Variants in ARHGEF28 observed in about 807,000 individuals in gnomAD.
The protein encoded by ARHGEF28 is Rho guanine nucleotide exchange factor 28.
ARHGEF28 carries 152 observed loss-of-function variants against 206.6 expected under a neutral mutation model. The ratio of observed to expected loss-of-function variants is 0.74; its 90% CI spans 0.64 to 0.84. The LOEUF (loss-of-function observed/expected upper bound fraction) is 0.84. ARHGEF28 is among the 40% of genes least tolerant of loss of function. The pLI, the probability that ARHGEF28 is intolerant of heterozygous loss-of-function variation, is 0.00. For missense variants in ARHGEF28, 2,028 were observed against 2,073.2 expected, an observed-to-expected ratio of 0.98 and a Z score of 0.42; for synonymous variants, 763 against 776.4, an observed-to-expected ratio of 0.98 and a Z score of 0.29.
chr5:73,833,581 A>G (rs1219259664), intron 10 of ARHGEF28, among the ~76,000 whole-genome samples: 1 of 152,164 alleles, frequency 6.6e-6, no homozygotes, highest in Non-Finnish European at 1.5e-5. Flanking sequence ...GAAATCTAGA[A>G]TGGGTCATGG....
chr5:73,865,368 T>G (rs1482237621), intron 17 of ARHGEF28, among the ~76,000 whole-genome samples: 1 of 152,194 alleles, frequency 6.6e-6, no homozygotes, highest in Non-Finnish European at 1.5e-5. Flanking sequence ...TAGAAGAATG[T>G]TCTCTGTAGT....
At chr5:73,730,700 A>C (rs1442146247) in intron 2 of ARHGEF28, among the ~76,000 whole-genome samples, 1 of 152,074 alleles carries the variant, frequency 6.6e-6, no homozygotes, top group East Asian at 1.9e-4. Context: ...ATGCCTGGCT[A>C]ATTTTTGTAT....
intron 31 of ARHGEF28, 159 bp downstream of exon 31, chr5:73,901,443 C>A (rs749635108): frequency 1.8e-6 from 1 of 551,416 alleles, no homozygotes; most frequent in Non-Finnish European, 3.2e-6. Context: ...TAACTTATTT[C>A]TTCTTCAAAT....
chr5:73,854,044 T>G (rs1758864299), intron 14 of ARHGEF28, among the ~76,000 whole-genome samples: 1 of 152,144 alleles, frequency 6.6e-6, no homozygotes. Context: ...TGTTTTCTGT[T>G]CCTTTCTATT....
At chr5:73,733,162 C>A (rs1023682060) in intron 2 of ARHGEF28, among the ~76,000 whole-genome samples, 1 of 152,052 alleles carries the variant, frequency 6.6e-6, no homozygotes, top group African/African-American at 2.4e-5. Flanking sequence ...TCCCAAGTCC[C>A]CAAAGTCCAT....
intron 8 of ARHGEF28, among the ~76,000 whole-genome samples, chr5:73,794,888 T>C (rs751302533): frequency 7.9e-5 from 12 of 152,256 alleles, no homozygotes; most frequent in Non-Finnish European, 1.3e-4. Flanking sequence ...ATTACAGGCA[T>C]GAGCCACCGT....
At chr5:73,855,992 G>A (rs908622203) in intron 14 of ARHGEF28, among the ~76,000 whole-genome samples, 7 of 152,148 alleles carry the variant, frequency 4.6e-5, no homozygotes, top group Non-Finnish European at 7.3e-5. Flanking sequence ...CTTTAATTCC[G>A]ATATTAGGTC....
At position 73,909,659 on chromosome 5, in the gene ARHGEF28, G is replaced by T; in HGVS notation, c.4409G>T (p.Ser1470Ile). The change falls in exon 34 of 36, where the codon AGC becomes ATC. Residue 1470 changes from serine (S) to isoleucine (I), a missense_variant. Ser to Ile is a moderately radical substitution (Grantham distance 142, BLOSUM62 -2). Around this residue, in one of 3 missense-constraint regions of ARHGEF28, gnomAD observed 803 missense variants for 768.0 expected, o/e 1.05. Coordinates refer to ENST00000513042, the MANE Select transcript of ARHGEF28 (RefSeq NM_001177693.2). ...CAGCGGGCGCAGGCGACCAGGGAGA[G>T]CTGGCTGCAGGAGCGGGAGCGGGAG... ...QQQRAQATRE[S>I]WLQERERECQ... is the part of the protein sequence containing the mutation. 1 of 1,545,490 alleles carries T rather than the reference G, an allele frequency of 6.5e-7. No homozygotes were observed. The highest frequency in any genetic ancestry group is 8.7e-7 in the Non-Finnish European group (1 of 1,144,638).
chr5:73,865,948 C>G lies in ARHGEF28; in HGVS notation c.2104-17C>G. 6.4e-7 allele frequency: 1 copy of G among 1,555,276 alleles called. No individual in the cohort carries two copies. The highest frequency in any genetic ancestry group is 8.8e-7 in the Non-Finnish European group (1 of 1,131,426). On this transcript the variant is annotated splice_polypyrimidine_tract_variant and intron_variant, in intron 17 of 35. Coordinates refer to ENST00000513042, the MANE Select transcript of ARHGEF28 (RefSeq NM_001177693.2). ...TACTTTGATCTTACTTTATGTGTTT[C>G]TAATATTCTTTACCAGAAATTCCAA...
chr5:73,674,333 C>T (rs1746524053), intron 1 of ARHGEF28, among the ~76,000 whole-genome samples: 1 of 152,184 alleles, frequency 6.6e-6, no homozygotes, highest in Admixed American at 6.5e-5. Flanking sequence ...TGTGCTGAGG[C>T]TACAGAGAAC....
rs549041724 is a variant in ARHGEF28 at position 73,748,341 on chromosome 5, A to C, written c.34-1496A>C. On this transcript the variant is annotated intron_variant, in intron 2 of 35. Coordinates refer to ENST00000513042, the MANE Select transcript of ARHGEF28 (RefSeq NM_001177693.2). The stretch of plus-strand genomic sequence containing the variant: ...AAAGGGCAATTCAAAACTGCCAACC[A>C]GTGATTTTTTTTCAGAACTCTATAC... Among the ~76,000 whole-genome samples the C allele has an allele frequency of 1.4e-4, 20 of 142,160 alleles. No individual in the cohort carries two copies. In the East Asian group the frequency reaches 3.9e-3, roughly 28 times the overall value. 93.3% of individuals were successfully genotyped at this position (142,160 alleles called of 152,430 possible).
intron 5 of ARHGEF28, 49 bp downstream of exon 5, chr5:73,774,087 C>T (rs749180052): frequency 3.4e-6 from 5 of 1,476,694 alleles, no homozygotes; most frequent in South Asian, 2.8e-5. Context: ...TAAAGTCGGC[C>T]AAGCATTATA....
At chr5:73,929,359 G>T (rs1269401633) in intron 35 of ARHGEF28, among the ~76,000 whole-genome samples, 1 of 152,052 alleles carries the variant, frequency 6.6e-6, no homozygotes, top group East Asian at 1.9e-4. Flanking sequence ...AAGCATTTCA[G>T]TATTTGTCTC....
Position 73,773,845 on chromosome 5 carries a change from TC to T in ARHGEF28, c.476-8del. ...AGGAACTAATATGGTATGTGTTTTTTCCTCTTCAGTATCTTCTCACAGAGAA... is the reference window on the plus strand; with the variant it reads ...AGGAACTAATATGGTATGTGTTTTTTCTCTTCAGTATCTTCTCACAGAGAA... On this transcript the variant is annotated splice_polypyrimidine_tract_variant and intron_variant, in intron 4 of 35. Transcript: ENST00000513042. 6.3e-7 allele frequency: 1 copy of T among 1,581,642 alleles called. No individual in the cohort carries two copies. Among genetic ancestry groups the T allele is most frequent in the Non-Finnish European group, 8.6e-7 (1 of 1,164,208 alleles).
At chr5:73,848,907 T>A (rs150464903) in intron 12 of ARHGEF28, 69 bp from the exon 13 acceptor site, 11 of 1,116,268 alleles carry the variant, frequency 9.9e-6, no homozygotes, top group Middle Eastern at 2.0e-4. Context: ...TTAGTAACAT[T>A]TGAGGTGGTG....
chr5:73,837,488 C>G (rs1220014853), intron 10 of ARHGEF28, among the ~76,000 whole-genome samples: 1 of 151,726 alleles, frequency 6.6e-6, no homozygotes, highest in Admixed American at 6.6e-5. Context: ...CTTCTTGAGC[C>G]CTTATTTTTT....
rs1758358958 is a variant in ARHGEF28 at position 73,846,337 on chromosome 5, C to T, written c.1497C>T (p.Tyr499=). The T allele has an allele frequency of 6.2e-7, 1 of 1,613,850 alleles. No homozygotes were observed. Among genetic ancestry groups the T allele is most frequent in the East Asian group, 2.2e-5 (1 of 44,870 alleles). ...ATTCTGAGCCATCCCACATCTGTTA[C>T]ACTCCAGGGTCTCAGAGCTCCTCAA... The part of the protein sequence containing the change: ...EGHSEPSHIC[Y]TPGSQSSSRT... Residue 499 remains tyrosine (Y), a synonymous_variant, in exon 12 of 36, where the codon TAC becomes TAT. Coordinates refer to ENST00000513042, the MANE Select transcript of ARHGEF28 (RefSeq NM_001177693.2).
At chr5:73,759,215 C>T (rs1318361996) in intron 4 of ARHGEF28, among the ~76,000 whole-genome samples, 1 of 152,146 alleles carries the variant, frequency 6.6e-6, no homozygotes, top group Non-Finnish European at 1.5e-5. Context: ...TTGCAAATAA[C>T]ACCAATAGAG....
chr5:73,894,392 G>C lies in ARHGEF28; in HGVS notation c.3659-1G>C. The C allele has an allele frequency of 6.2e-7, 1 of 1,602,590 alleles. No homozygotes were observed. The highest frequency in any genetic ancestry group is 8.5e-7 in the Non-Finnish European group (1 of 1,172,464). ...CTTCTATGGTAAATACTATTTCATA[G>C]AAATACTCACTAACCAAGACCAACA... On this transcript the variant is annotated splice_acceptor_variant, in intron 28 of 35. Coordinates refer to ENST00000513042, the MANE Select transcript of ARHGEF28 (RefSeq NM_001177693.2). LOFTEE classifies it high-confidence loss of function.
Sources: allele counts gnomAD v4.1 joint callset (sites outside exome capture counted in the v4.1 genomes callset), GRCh38; gene constraint gnomAD v4.1.1; regional missense constraint gnomAD v4.1.1; transcripts MANE v1.5; gene names NCBI Gene and HGNC (gene_info 2026-07-23, HGNC 2026-07-21).